DOP1B: variants seen among roughly 807,000 people sequenced by gnomAD.
The protein encoded by DOP1B is protein DOP1B.
A neutral mutation model predicts 233.5 loss-of-function variants in DOP1B; 174 were observed. The observed-to-expected ratio is 0.75, with a 90% CI of 0.66 to 0.85. DOP1B has a LOEUF of 0.85. DOP1B is among the 40% of genes least tolerant of loss of function. The pLI, the probability that DOP1B is intolerant of heterozygous loss-of-function variation, is 0.00. For missense variants in DOP1B, 2,652 were observed against 2,846.6 expected, an observed-to-expected ratio of 0.93 and a Z score of 1.56; for synonymous variants, 1,190 against 1,185.6, an observed-to-expected ratio of 1.00 and a Z score of -0.08.
chr21:36,261,701 A>G, intron 24 of DOP1B: 1 of 949,408 alleles, frequency 1.1e-6, no homozygotes, highest in Non-Finnish European at 1.3e-6. Context: ...TGAGGCCAGG[A>G]GTTTGAGACC....
chr21:36,270,409 TGGGCACAG>T (rs1195005201), intron 27 of DOP1B, among the ~76,000 whole-genome samples: 1 of 150,584 alleles, frequency 6.6e-6, no homozygotes, highest in African/African-American at 2.5e-5. Context: ...AAAAATCAGC[TGGGCACAG>T]TGGTAAGCAC....
chr21:36,165,667 A>G (rs2065903282), intron 2 of DOP1B, among the ~76,000 whole-genome samples: 1 of 150,740 alleles, frequency 6.6e-6, no homozygotes, highest in Non-Finnish European at 1.5e-5. Context: ...CATAAACCCT[A>G]TCGTGAACTG....
intron 2 of DOP1B, among the ~76,000 whole-genome samples, chr21:36,181,990 C>T (rs762807320): frequency 8.5e-5 from 13 of 152,176 alleles, no homozygotes; most frequent in Non-Finnish European, 1.5e-5. Flanking sequence ...ATTACCTGAT[C>T]AACATGTAAA....
intron 23 of DOP1B, among the ~76,000 whole-genome samples, chr21:36,259,274 T>TC (rs2067142942): frequency 6.7e-6 from 1 of 149,164 alleles, no homozygotes; most frequent in African/African-American, 2.5e-5. Context: ...CTTTTTTTTT[T>TC]TTTTCTTTTT....
At chr21:36,159,526 G>C (rs574506719) in intron 1 of DOP1B, among the ~76,000 whole-genome samples, 53 of 152,308 alleles carry the variant, frequency 3.5e-4, no homozygotes, top group African/African-American at 9.6e-4. Flanking sequence ...TTGCTTGGTA[G>C]CATACCACGT....
At chr21:36,278,733 G>A (rs762500406) in intron 30 of DOP1B, among the ~76,000 whole-genome samples, 9 of 152,052 alleles carry the variant, frequency 5.9e-5, no homozygotes, top group Non-Finnish European at 1.0e-4. Context: ...GCCGGGCATG[G>A]CAGCGCACAC....
chr21:36,257,723 TA>T (rs2067120101), intron 23 of DOP1B, among the ~76,000 whole-genome samples: 1 of 150,414 alleles, frequency 6.6e-6, no homozygotes, highest in African/African-American at 2.5e-5. Context: ...GGTAGGTAGG[TA>T]GGTAGATAGA....
chr21:36,286,139 T>C (rs1569072099), intron 32 of DOP1B, among the ~76,000 whole-genome samples: 1 of 152,062 alleles, frequency 6.6e-6, no homozygotes, highest in Admixed American at 6.6e-5. Context: ...GCTGAGCAGC[T>C]CTGTATGTCT....
At chr21:36,289,713 A>G (rs572712421) in intron 35 of DOP1B, among the ~76,000 whole-genome samples, 12 of 152,282 alleles carry the variant, frequency 7.9e-5, no homozygotes, top group African/African-American at 2.6e-4. Context: ...CCCCACAAAG[A>G]GAGTAATCAT....
chr21:36,293,028 G>A (rs1342022063), intron 36 of DOP1B, among the ~76,000 whole-genome samples: 2 of 151,992 alleles, frequency 1.3e-5, no homozygotes, highest in African/African-American at 4.8e-5. Context: ...CAAATATGGT[G>A]AAACTCCATC....
At chr21:36,283,502 A>G (rs755905426) in intron 32 of DOP1B, among the ~76,000 whole-genome samples, 1 of 152,250 alleles carries the variant, frequency 6.6e-6, no homozygotes, top group Non-Finnish European at 1.5e-5. Context: ...CATGTAGTGC[A>G]CATAAGATTT....
rs1384122996 is a variant in DOP1B, at chr21:36,170,819, C to G, written c.138+5948C>G. ...CCTGTTTCAAAAAAAAAAAAAAAGACATAACTTTGTTAGAGTTGTTACCTG... is the reference window on the plus strand; with the variant it reads ...CCTGTTTCAAAAAAAAAAAAAAAGAGATAACTTTGTTAGAGTTGTTACCTG... On this transcript the variant is annotated intron_variant, in intron 2 of 36. Transcript: ENST00000691173. 4.7e-5 allele frequency among the ~76,000 whole-genome samples: 7 copies of G among 150,206 alleles called. No individual in the cohort carries two copies. In the East Asian group the frequency reaches 1.4e-3, roughly 29 times the overall value.
chr21:36,172,377 G>GAGCAC (rs2065979810), intron 2 of DOP1B, among the ~76,000 whole-genome samples: 1 of 152,202 alleles, frequency 6.6e-6, no homozygotes. Flanking sequence ...GTGCTGGAGG[G>GAGCAC]AGCACATCTT....
chr21:36,212,099 T>C lies in DOP1B; in HGVS notation c.904+2T>C. ...GAAGACTGTATGCATGGTTACTAGG[T>C]ACTGAGCAGTATACACCCTTTTAAA... On this transcript the variant is annotated splice_donor_variant, in intron 7 of 36. Coordinates refer to ENST00000691173, the MANE Select transcript of DOP1B (RefSeq NM_001320714.2). LOFTEE classifies it high-confidence loss of function. The C allele has an allele frequency of 6.2e-7, 1 of 1,603,752 alleles. No individual in the cohort carries two copies. Among genetic ancestry groups the C allele is most frequent in the Non-Finnish European group, 8.5e-7 (1 of 1,175,778 alleles).
Position 36,246,212 on chromosome 21 carries a change from G to C in DOP1B, c.4232G>C (p.Arg1411Thr). The C allele has an allele frequency of 6.2e-7, 1 of 1,613,864 alleles. No individual in the cohort carries two copies. Among genetic ancestry groups the C allele is most frequent in the Non-Finnish European group, 8.5e-7 (1 of 1,180,038 alleles). The change falls in exon 19 of 37, where the codon AGG becomes ACG. Residue 1411 changes from arginine to threonine, a missense_variant. Arg to Thr is a moderately conservative substitution (Grantham distance 71). Around this residue, in one of 3 missense-constraint regions of DOP1B, gnomAD observed 2,617 missense variants for 2,794.3 expected, o/e 0.94. Coordinates refer to ENST00000691173, the MANE Select transcript of DOP1B (RefSeq NM_001320714.2). This position sits in a 1 kb window ranked among gnomAD's most constrained non-coding sequence, Gnocchi z 5.1. ...GGGCTGGCCACCGCCCACCACGGCA[G>C]GGCCCTGCCAGAGGACAGCCTCTTT... ...RYGLATAHHG[R>T]ALPEDSLFEE...
Position 36,246,385 on chromosome 21 carries a change from T to C in DOP1B, c.4405T>C (p.Ser1469Pro). ...GGAGGCGGAAAACCAGCCCGACCTG[T>C]CCCGGGAGTGGCAGAGAGCCCTGAA... is the stretch of plus-strand genomic sequence containing the variant. ...HEEAENQPDL[S>P]REWQRALNFQ... The change falls in exon 19 of 37, where the codon TCC becomes CCC. Residue 1469 changes from serine (S) to proline (P), a missense_variant. By Grantham distance (74) the Ser-to-Pro change is moderately conservative. Transcript: ENST00000691173. This position sits in a 1 kb window ranked among gnomAD's most constrained non-coding sequence, Gnocchi z 5.1. The C allele has an allele frequency of 6.2e-7, 1 of 1,613,394 alleles. No individual in the cohort carries two copies. Among genetic ancestry groups the C allele is most frequent in the Non-Finnish European group, 8.5e-7 (1 of 1,179,824 alleles).
chr21:36,253,466 C>T lies in DOP1B; in HGVS notation c.5122-306C>T, dbSNP rs902866585. ...TGGCGGCTCATGCCTGTAATCCCAG[C>T]ACTTTGGAAGACCGAGGCGGGCAGA... On this transcript the variant is annotated intron_variant, in intron 22 of 36. Coordinates refer to ENST00000691173, the MANE Select transcript of DOP1B (RefSeq NM_001320714.2). Among the ~76,000 whole-genome samples the T allele has an allele frequency of 1.3e-5, 2 of 152,092 alleles. 1 individual carries two copies. Among genetic ancestry groups the T allele is most frequent in the Admixed American group, 1.3e-4 (2 of 15,268 alleles).
chr21:36,221,350 C>T (rs1389550418), intron 10 of DOP1B, among the ~76,000 whole-genome samples: 3 of 151,618 alleles, frequency 2.0e-5, no homozygotes. Context: ...CAAAGGTTAG[C>T]CGGGTGTGGT....
chr21:36,227,822 G>C lies in DOP1B; in HGVS notation c.1610G>C (p.Ser537Thr), dbSNP rs1317936051. 3 of 1,612,876 alleles carry C rather than the reference G, an allele frequency of 1.9e-6. No homozygotes were observed. The highest frequency in any genetic ancestry group is 2.7e-5 in the African/African-American group (2 of 74,918). Reference protein sequence around the residue: ...HALKTCFKVLSKVQMPPSYLD... With the variant: ...HALKTCFKVLTKVQMPPSYLD... ...TTGAAGACGTGTTTCAAGGTGCTCA[G>C]CAAAGTCCAGATGCCTCCTTCCTAC... Residue 537 changes from serine (S) to threonine (T), a missense_variant, in exon 13 of 37, where the codon AGC (serine) becomes ACC (threonine). Ser to Thr is a moderately conservative substitution (Grantham distance 58, BLOSUM62 1). This residue lies in a region of DOP1B where 2,617 missense variants were observed against 2,794.3 expected (regional missense o/e 0.94). Transcript: ENST00000691173.
Sources: allele counts gnomAD v4.1 joint callset (sites outside exome capture counted in the v4.1 genomes callset), GRCh38; gene constraint gnomAD v4.1.1; regional missense constraint gnomAD v4.1.1; non-coding constraint Gnocchi (gnomAD v3.1); transcripts MANE v1.5; gene names NCBI Gene and HGNC (gene_info 2026-07-23, HGNC 2026-07-21).